NEGR1: variants seen among roughly 807,000 people sequenced by gnomAD.
NEGR1 encodes the protein neuronal growth regulator 1.
NEGR1 carries 10 observed loss-of-function variants against 40.9 expected under a neutral mutation model. The observed-to-expected ratio is 0.24, with a 90% CI of 0.15 to 0.42. The LOEUF is 0.42. Among genes scored for constraint, NEGR1 ranks in the 10% least tolerant of loss-of-function variants. NEGR1 has a pLI of 1.00. For missense variants in NEGR1, 352 were observed against 438.9 expected, an observed-to-expected ratio of 0.80 and a Z score of 1.77; for synonymous variants, 185 against 166.8, an observed-to-expected ratio of 1.11 and a Z score of -0.84.
At chr1:71,718,303 T>G (rs973070558) in intron 3 of NEGR1, among the ~76,000 whole-genome samples, 1 of 152,132 alleles carries the variant, frequency 6.6e-6, no homozygotes, top group African/African-American at 2.4e-5. Flanking sequence ...TAAAAATGTC[T>G]GCACCTCTCC....
intron 1 of NEGR1, among the ~76,000 whole-genome samples, chr1:72,074,572 G>A (rs372963360): frequency 1.1e-4 from 16 of 151,844 alleles, no homozygotes; most frequent in African/African-American, 2.2e-4. Context: ...TTAAAAAAGC[G>A]TTGACTTTTC....
chr1:71,433,586 C>T (rs1646483539), intron 6 of NEGR1, among the ~76,000 whole-genome samples: 2 of 152,106 alleles, frequency 1.3e-5, no homozygotes, highest in Admixed American at 6.6e-5. Context: ...TACATGGCAG[C>T]GGCAAGAGAA....
chr1:71,898,909 ATTGCAAATATATAT>A (rs1661053032), intron 2 of NEGR1, among the ~76,000 whole-genome samples: 3 of 90,582 alleles, frequency 3.3e-5, no homozygotes, highest in Non-Finnish European at 6.8e-5. Flanking sequence ...ATATATATAT[ATTGCAAATATATAT>A]TTGCAAATAT....
intron 2 of NEGR1, among the ~76,000 whole-genome samples, chr1:71,910,301 T>C (rs1037794298): frequency 6.6e-6 from 1 of 152,170 alleles, no homozygotes; most frequent in Non-Finnish European, 1.5e-5. Flanking sequence ...ATATGGACAA[T>C]TAAAAACTGG....
chr1:71,895,980 G>A (rs1381129833), intron 2 of NEGR1, among the ~76,000 whole-genome samples: 1 of 148,520 alleles, frequency 6.7e-6, no homozygotes, highest in Non-Finnish European at 1.5e-5. Context: ...CTTAGTGTAT[G>A]TTAAGTGGCA....
At chr1:72,275,030 C>G in intron 1 of NEGR1, 1 of 1,520,716 alleles carries the variant, frequency 6.6e-7, no homozygotes, top group Non-Finnish European at 9.1e-7. Context: ...GAAATCAGAC[C>G]AGCTTTGGAG....
intron 1 of NEGR1, among the ~76,000 whole-genome samples, chr1:71,977,203 G>A (rs1646312924): frequency 6.6e-6 from 1 of 152,120 alleles, no homozygotes; most frequent in Non-Finnish European, 1.5e-5. Context: ...GCGTGAACCT[G>A]TAATCCAAGC....
In NEGR1 at chr1:71,609,966, G is replaced by A. The variant is rs56027090; in HGVS notation, c.788+1060C>T. Among the ~76,000 whole-genome samples the A allele has an allele frequency of 8.5e-5, 13 of 152,270 alleles. No individual in the cohort carries two copies. In the East Asian group the frequency reaches 9.7e-4, roughly 11 times the overall value. ...ATGGTTTTATAAGGGGGTTTTCCCC[G>A]ATTTGCTTGGGACTTCTCTCTCCTG... On this transcript the variant is annotated intron_variant, in intron 5 of 6. Transcript: ENST00000357731.
intron 6 of NEGR1, among the ~76,000 whole-genome samples, chr1:71,463,903 A>AAAAT (rs1225351604): frequency 1.3e-5 from 2 of 152,150 alleles, no homozygotes; most frequent in Admixed American, 6.6e-5. Flanking sequence ...AAATGATACT[A>AAAAT]AAATAAATAA....
intron 1 of NEGR1, among the ~76,000 whole-genome samples, chr1:72,077,545 T>C (rs1647795942): frequency 1.3e-5 from 2 of 152,010 alleles, no homozygotes; most frequent in Non-Finnish European, 2.9e-5. Flanking sequence ...ATCCCAGCAC[T>C]TCGGGAGGCT....
rs553154944 is a variant in NEGR1 at position 72,274,909 on chromosome 1, C to T, written c.176+7410G>A. 7.0e-5 allele frequency: 112 copies of T among 1,589,706 alleles called. No individual in the cohort carries two copies. The South Asian group carries it at 1.0e-3, about 15-fold the overall frequency. ...CATTATTCCACAGAACCAAGTCAAT[C>T]GAAAGTCAGATATCTACGTCTGCAT... is the stretch of plus-strand genomic sequence containing the variant. On this transcript the variant is annotated intron_variant, in intron 1 of 6. Transcript: ENST00000357731.
chr1:71,534,979 AT>A (rs1387867009), intron 6 of NEGR1, among the ~76,000 whole-genome samples: 1 of 151,588 alleles, frequency 6.6e-6, no homozygotes. Flanking sequence ...GTCTCTTAAA[AT>A]TTTTTTGTGA....
At chr1:71,891,078 G>T (rs1660850192) in intron 2 of NEGR1, among the ~76,000 whole-genome samples, 1 of 6,600 alleles carries the variant, frequency 1.5e-4, no homozygotes, top group Non-Finnish European at 2.8e-4. Context: ...AGTGTGTAGA[G>T]GGAAATTTAT....
At chr1:71,699,264 T>C (rs909202269) in intron 3 of NEGR1, among the ~76,000 whole-genome samples, 6 of 151,938 alleles carry the variant, frequency 3.9e-5, no homozygotes, top group African/African-American at 1.4e-4. Context: ...AAATCTAAAG[T>C]CCATCCCAAT....
chr1:71,820,885 A>G (rs1481049576), intron 2 of NEGR1, among the ~76,000 whole-genome samples: 7 of 151,962 alleles, frequency 4.6e-5, no homozygotes, highest in African/African-American at 1.7e-4. Flanking sequence ...TTATTATTTA[A>G]TTTACTAGTC....
chr1:72,275,157 T>C, intron 1 of NEGR1: 2 of 650,862 alleles, frequency 3.1e-6, no homozygotes, highest in South Asian at 1.8e-5. Context: ...CCCATGTGTT[T>C]TTCTAATTGA....
At chr1:71,898,181 T>C (rs193012151) in intron 2 of NEGR1, among the ~76,000 whole-genome samples, 1 of 152,336 alleles carries the variant, frequency 6.6e-6, no homozygotes, top group East Asian at 1.9e-4. Flanking sequence ...CTGGTAGGTA[T>C]TTAAAATTTC....
chr1:71,886,455 GGGA>G (rs1660725182), intron 2 of NEGR1, among the ~76,000 whole-genome samples: 1 of 149,476 alleles, frequency 6.7e-6, no homozygotes, highest in Admixed American at 6.6e-5. Context: ...TAGTTTATGG[GGGA>G]AAAAAAAAAA....
intron 1 of NEGR1, among the ~76,000 whole-genome samples, chr1:72,241,556 A>C (rs756918377): frequency 2.6e-5 from 4 of 151,704 alleles, no homozygotes; most frequent in Admixed American, 6.6e-5. Context: ...GAGTCCACAA[A>C]TCCTTTTATT....
Sources: gnomAD v4.1 joint callset for allele counts (sites outside exome capture counted in the v4.1 genomes callset) on GRCh38, gnomAD v4.1.1 for gene constraint, MANE v1.5 for transcripts, NCBI Gene and HGNC (gene_info 2026-07-23, HGNC 2026-07-21) for gene names.